PREP: variants seen among roughly 807,000 people sequenced by gnomAD.
The protein encoded by PREP is dJ355L5.1 (prolyl endopeptidase).
PREP carries 29 observed loss-of-function variants against 87.6 expected under a neutral mutation model. That is an observed-to-expected ratio of 0.33 (90% CI 0.25 to 0.45). The LOEUF (loss-of-function observed/expected upper bound fraction) is 0.45. Among genes scored for constraint, PREP ranks in the 20% least tolerant of loss-of-function variants. PREP has a pLI of 1.00. For missense variants in PREP, 695 were observed against 886.5 expected, an observed-to-expected ratio of 0.78 and a Z score of 2.74; for synonymous variants, 337 against 328.6, an observed-to-expected ratio of 1.03 and a Z score of -0.28.
intron 10 of PREP, among the ~76,000 whole-genome samples, chr6:105,311,064 G>A (rs1341328361): frequency 2.6e-5 from 4 of 152,028 alleles, no homozygotes; most frequent in Non-Finnish European, 4.4e-5. Context: ...CTACCTTCTA[G>A]GTATATTCCA....
chr6:105,316,366 G>A (rs1201447), intron 10 of PREP, among the ~76,000 whole-genome samples: 68,122 of 152,090 alleles, frequency 0.45, 20,322 homozygotes, highest in African/African-American at 0.86. Context: ...GCATTTTTCA[G>A]TTAAGTTCAC....
intron 6 of PREP, among the ~76,000 whole-genome samples, chr6:105,367,056 C>T (rs951288160): frequency 6.6e-6 from 1 of 152,096 alleles, no homozygotes; most frequent in Non-Finnish European, 1.5e-5. Flanking sequence ...AACTTAATGC[C>T]ACTGAACTTG....
At chr6:105,350,481 C>T (rs1177673617) in intron 7 of PREP, among the ~76,000 whole-genome samples, 1 of 152,086 alleles carries the variant, frequency 6.6e-6, no homozygotes, top group Non-Finnish European at 1.5e-5. Flanking sequence ...TAACAGGAAC[C>T]ATTTTTTTTC....
rs994595641 is a variant in PREP at position 105,285,435 on chromosome 6, C to T, written c.1549+51G>A. ...ATTCAAACAGGAAGGATCAGCACAA[C>T]CTTAGCTTTGATTATGTCAGACTTG... is the stretch of plus-strand genomic sequence containing the variant. On this transcript the variant is annotated intron_variant, in intron 12 of 14. Transcript: ENST00000652536. The T allele has an allele frequency of 7.8e-6, 12 of 1,548,362 alleles. No homozygotes were observed. The Middle Eastern group carries it at 5.0e-4, about 65-fold the overall frequency.
chr6:105,284,677 C>T (rs903191916), intron 12 of PREP, among the ~76,000 whole-genome samples: 2 of 152,142 alleles, frequency 1.3e-5, no homozygotes, highest in African/African-American at 2.4e-5. Flanking sequence ...CCCAAAGACA[C>T]AGGACAAGTG....
Position 105,276,586 on chromosome 6 carries a change from T to C in PREP, c.*1558A>G, listed in dbSNP as rs1769935849. Reference sequence around the variant, plus strand: ...CTAGTATCAGTATCTGAGTAGATGGTGATGACGACAGAGTCTCAGCATGCA... The same window carrying C: ...CTAGTATCAGTATCTGAGTAGATGGCGATGACGACAGAGTCTCAGCATGCA... On this transcript the variant is annotated 3_prime_UTR_variant, in exon 15 of 15. Coordinates refer to ENST00000652536, the MANE Select transcript of PREP (RefSeq NM_002726.5). Among the ~76,000 whole-genome samples the C allele has an allele frequency of 6.6e-6, 1 of 152,228 alleles. No individual in the cohort carries two copies. The highest frequency in any genetic ancestry group is 2.1e-4 in the South Asian group (1 of 4,836).
chr6:105,283,809 C>T (rs558344521), intron 12 of PREP, among the ~76,000 whole-genome samples: 13 of 152,268 alleles, frequency 8.5e-5, no homozygotes, highest in African/African-American at 3.1e-4. Flanking sequence ...TTGAACCTGC[C>T]TAATCCCAAG....
intron 7 of PREP, among the ~76,000 whole-genome samples, chr6:105,342,613 C>A (rs554558892): frequency 1.3e-5 from 2 of 152,222 alleles, no homozygotes; most frequent in Admixed American, 1.3e-4. Flanking sequence ...GCAGATGACA[C>A]GATTGTATAT....
rs1370710499 is a variant in PREP, at chr6:105,368,948, C to T, written c.672G>A (p.Leu224=). 1.2e-6 allele frequency: 2 copies of T among 1,614,060 alleles called. No homozygotes were observed. Among genetic ancestry groups the T allele is most frequent in the South Asian group, 1.1e-5 (1 of 91,078 alleles). The change falls in exon 6 of 15, where the codon TTG becomes TTA. Residue 224 remains leucine (L), a synonymous_variant. Transcript: ENST00000652536. ...VLGTDQSEDI[L]CAEFPDEPKW... is the part of the protein sequence containing the mutation. ...TAGGTTCATCAGGAAACTCAGCACA[C>T]AAAATATCTTCTGACTGATCGGTTC...
chr6:105,365,905 T>C (rs1772370324), intron 6 of PREP, among the ~76,000 whole-genome samples: 1 of 152,014 alleles, frequency 6.6e-6, no homozygotes. Flanking sequence ...AACAACTTCA[T>C]TTATTACTTC....
chr6:105,274,778 G>C lies in PREP; in HGVS notation c.*3366C>G, dbSNP rs1209577432. ...AGCAAAACTCCATCCCAAAAAAAGA[G>C]TGCAGTATCCAAGGCCCAGCTCCTG... On this transcript the variant is annotated 3_prime_UTR_variant, in exon 15 of 15. Transcript: ENST00000652536. Among the ~76,000 whole-genome samples, 4 of 152,218 alleles carry C rather than the reference G, an allele frequency of 2.6e-5. No homozygotes were observed. The South Asian group carries it at 6.2e-4, about 24-fold the overall frequency.
chr6:105,327,293 C>A (rs766944637), intron 9 of PREP, among the ~76,000 whole-genome samples: 4 of 152,004 alleles, frequency 2.6e-5, no homozygotes, highest in Non-Finnish European at 4.4e-5. Context: ...ACTCCAGGTT[C>A]TAGGGGGAAG....
At position 105,274,197 on chromosome 6, in the gene PREP, T is replaced by C. The variant is rs972382686; in HGVS notation, c.*3947A>G. Among the ~76,000 whole-genome samples, 1 of 152,096 alleles carries C rather than the reference T, an allele frequency of 6.6e-6. No homozygotes were observed. ...TCACAGTCCTAGAGTCTGGGACATC[T>C]AAGATCAAGGCACTGGCAGATTTGG... is the stretch of plus-strand genomic sequence containing the variant. On this transcript the variant is annotated 3_prime_UTR_variant, in exon 15 of 15. Coordinates refer to ENST00000652536, the MANE Select transcript of PREP (RefSeq NM_002726.5).
intron 2 of PREP, among the ~76,000 whole-genome samples, chr6:105,385,283 TAAAAAAAAAA>T (rs11354337): frequency 8.2e-6 from 1 of 122,654 alleles, no homozygotes; most frequent in East Asian, 2.3e-4. Flanking sequence ...AGATCTGCTT[TAAAAAAAAAA>T]AAAAAAAAAG....
intron 7 of PREP, among the ~76,000 whole-genome samples, chr6:105,345,046 C>G (rs982891756): frequency 6.6e-6 from 1 of 152,260 alleles, no homozygotes; most frequent in South Asian, 2.1e-4. Context: ...CTCACAGGGC[C>G]GGATGTTTTA....
At chr6:105,370,660 A>G (rs561537063) in intron 5 of PREP, among the ~76,000 whole-genome samples, 1 of 152,334 alleles carries the variant, frequency 6.6e-6, no homozygotes, top group African/African-American at 2.4e-5. Context: ...ACACTGTGGC[A>G]CATTCAAACA....
intron 10 of PREP, among the ~76,000 whole-genome samples, chr6:105,320,979 C>G (rs184619962): frequency 9.2e-5 from 14 of 152,290 alleles, no homozygotes; most frequent in African/African-American, 3.1e-4. Context: ...CATTGCATGT[C>G]AAAGCTCTGC....
intron 2 of PREP, among the ~76,000 whole-genome samples, chr6:105,386,222 T>C (rs1352554670): frequency 6.6e-6 from 1 of 152,230 alleles, no homozygotes; most frequent in Non-Finnish European, 1.5e-5. Context: ...TTAACAACTA[T>C]ACGCACTGCC....
chr6:105,395,169 A>G (rs1173630392), intron 2 of PREP, among the ~76,000 whole-genome samples: 3 of 152,188 alleles, frequency 2.0e-5, no homozygotes, highest in South Asian at 2.1e-4. Context: ...TTTAAAAAAT[A>G]TATATATTTT....
Sources: gnomAD v4.1 joint callset for allele counts (sites outside exome capture counted in the v4.1 genomes callset) on GRCh38, gnomAD v4.1.1 for gene constraint, MANE v1.5 for transcripts, NCBI Gene and HGNC (gene_info 2026-07-23, HGNC 2026-07-21) for gene names.